ARL17B: variants seen among roughly 807,000 people sequenced by gnomAD.
ARL17B encodes the protein ADP-ribosylation factor-like protein 17.
chr17:46,325,176 CTGGA>C (rs2051667362), intron 3 of ARL17B, among the ~76,000 whole-genome samples: 1 of 73,452 alleles, frequency 1.4e-5, no homozygotes, highest in East Asian at 2.5e-4. Context: ...CCCTTCCTCT[CTGGA>C]TGAAGTCCCC....
intron 4 of ARL17B, among the ~76,000 whole-genome samples, chr17:46,278,308 C>G (rs2049648659): frequency 6.6e-6 from 1 of 152,172 alleles, no homozygotes; most frequent in African/African-American, 2.4e-5. Context: ...CCTGTGATGG[C>G]AAATGAGAGC....
At chr17:46,282,278 T>G (rs1181826353) in intron 4 of ARL17B, among the ~76,000 whole-genome samples, 1 of 151,924 alleles carries the variant, frequency 6.6e-6, no homozygotes. Context: ...AATTTTTTGT[T>G]ATTTTTAGTA....
At position 46,293,777 on chromosome 17, in the gene ARL17B, G is replaced by A. The variant is rs1454312629; in HGVS notation, c.*21+5749C>T. On this transcript the variant is annotated intron_variant, in intron 4 of 4. Transcript: ENST00000570618. ...CCAAGGAGACTTCAAGCTTTAAGAAGTCTAGCTTCCTGTGAAATGTGAGAG... is the reference window on the plus strand; with the variant it reads ...CCAAGGAGACTTCAAGCTTTAAGAAATCTAGCTTCCTGTGAAATGTGAGAG... 1.3e-5 allele frequency: 3 copies of A among 237,580 alleles called. 1 individual carries two copies. In the East Asian group the frequency reaches 5.2e-4, roughly 41 times the overall value. The allele number at this position is 237,580 out of a possible 1,614,324, so 14.7% of individuals were successfully genotyped here.
intron 3 of ARL17B, among the ~76,000 whole-genome samples, chr17:46,327,404 C>CT (rs1290820106): frequency 3.2e-5 from 1 of 30,824 alleles, no homozygotes; most frequent in African/African-American, 6.8e-5. Context: ...TGGGGAAACT[C>CT]TGTCACTACT....
intron 3 of ARL17B, among the ~76,000 whole-genome samples, chr17:46,316,662 G>A (rs1339533063): frequency 3.1e-5 from 2 of 63,966 alleles, no homozygotes; most frequent in African/African-American, 8.1e-5. Context: ...TTCTCGCAGA[G>A]GGGGATTTGG....
intron 4 of ARL17B, among the ~76,000 whole-genome samples, chr17:46,279,328 T>C (rs111912558): frequency 0.12 from 17,269 of 149,716 alleles, no homozygotes; most frequent in Non-Finnish European, 0.17. Flanking sequence ...GGATTACAGG[T>C]GCCTACCACA....
At chr17:46,284,275 C>T (rs928296455) in intron 4 of ARL17B, among the ~76,000 whole-genome samples, 1 of 152,246 alleles carries the variant, frequency 6.6e-6, no homozygotes, top group Non-Finnish European at 1.5e-5. Flanking sequence ...GGCAGAGGTC[C>T]CTGCGGCCTT....
intron 4 of ARL17B, among the ~76,000 whole-genome samples, chr17:46,288,789 C>G (rs921418728): frequency 6.6e-6 from 1 of 151,068 alleles, no homozygotes; most frequent in African/African-American, 2.5e-5. Context: ...GTGTACCCTG[C>G]ACCTCCCAGG....
At chr17:46,285,464 A>T (rs1402995998) in intron 4 of ARL17B, among the ~76,000 whole-genome samples, 3 of 148,326 alleles carry the variant, frequency 2.0e-5, no homozygotes, top group East Asian at 2.1e-4. Context: ...CTGGTCTCAA[A>T]CTCCTGACCT....
rs554480794 is a variant in ARL17B, at chr17:46,287,030, T to C, written c.*22-11612A>G. 2.6e-5 allele frequency among the ~76,000 whole-genome samples: 4 copies of C among 152,362 alleles called. No individual in the cohort carries two copies. In the South Asian group the frequency reaches 8.3e-4, roughly 32 times the overall value. On this transcript the variant is annotated intron_variant, in intron 4 of 4. Coordinates refer to the ARL17B transcript ENST00000570618. ...TTTTGAGCTGCATGGTACTTAAATC[T>C]GTCTTCCCTGCCTTGCTTCATTTTT... is the stretch of plus-strand genomic sequence containing the variant.
intron 3 of ARL17B, among the ~76,000 whole-genome samples, chr17:46,317,109 T>C: frequency 1.1e-5 from 1 of 87,154 alleles, no homozygotes; most frequent in Non-Finnish European, 3.4e-5. Context: ...CATGGCCCGT[T>C]CTCAATGAGC....
chr17:46,290,189 G>T (rs1253568254), intron 4 of ARL17B, among the ~76,000 whole-genome samples: 2 of 152,236 alleles, frequency 1.3e-5, no homozygotes, highest in Non-Finnish European at 2.9e-5. Flanking sequence ...GAGTACAGTG[G>T]TGCTATCATG....
intron 4 of ARL17B, among the ~76,000 whole-genome samples, chr17:46,291,969 C>CAAAAAAAAAAAAAAAAAAAAAAAAAAAAA (rs59554870): frequency 1.7e-5 from 1 of 58,090 alleles, no homozygotes; most frequent in African/African-American, 7.2e-5. Flanking sequence ...TCTCAAAAAG[C>CAAAAAAAAAAAAAAAAAAAAAAAAAAAAA]AAAAAAAAAA....
intron 4 of ARL17B, among the ~76,000 whole-genome samples, chr17:46,291,344 A>G (rs181015401): frequency 5.3e-4 from 80 of 152,194 alleles, no homozygotes; most frequent in Admixed American, 3.9e-3. Flanking sequence ...AGTTACAACA[A>G]TCTCAATGGA....
chr17:46,280,499 AC>A (rs1159473801), intron 4 of ARL17B, among the ~76,000 whole-genome samples: 1 of 151,776 alleles, frequency 6.6e-6, no homozygotes, highest in Non-Finnish European at 1.5e-5. Context: ...ATATAGCAAG[AC>A]CCTGTCCCTA....
At chr17:46,321,218 T>TG (rs1446676870) in intron 3 of ARL17B, among the ~76,000 whole-genome samples, 1 of 52,912 alleles carries the variant, frequency 1.9e-5, no homozygotes, top group Non-Finnish European at 2.9e-5. Context: ...TGACAGGGCA[T>TG]GGTGGCAGGC....
chr17:46,285,565 A>T (rs942075385), intron 4 of ARL17B, among the ~76,000 whole-genome samples: 23 of 152,316 alleles, frequency 1.5e-4, no homozygotes, highest in African/African-American at 5.5e-4. Flanking sequence ...CATAAGGAAA[A>T]TAATAACTAT....
chr17:46,285,355 C>G (rs1301574862), intron 4 of ARL17B, among the ~76,000 whole-genome samples: 55 of 151,920 alleles, frequency 3.6e-4, no homozygotes, highest in Admixed American at 2.6e-4. Context: ...ATTCTCCTGC[C>G]TCAGCCTCCC....
chr17:46,358,993 A>AAATT (rs1291532973), intron 1 of ARL17B, among the ~76,000 whole-genome samples: 2 of 147,770 alleles, frequency 1.4e-5, no homozygotes, highest in South Asian at 2.2e-4. Flanking sequence ...CTGTCTCAAA[A>AAATT]AATTAATTAA....
Sources: allele counts gnomAD v4.1 joint callset (sites outside exome capture counted in the v4.1 genomes callset), GRCh38; gene constraint gnomAD v4.1.1; transcripts MANE v1.5; gene names NCBI Gene and HGNC (gene_info 2026-07-23, HGNC 2026-07-21).